The following TBL1X variants were observed in gnomAD, a reference collection of about 807,000 sequenced individuals.
TBL1X encodes the protein F-box-like/WD repeat-containing protein TBL1X.
Under a neutral mutation model 50.7 loss-of-function variants are expected in TBL1X, and 10 were observed. That is an observed-to-expected ratio of 0.20 (90% confidence interval 0.12 to 0.33). The LOEUF (loss-of-function observed/expected upper bound fraction) is 0.33. TBL1X is among the 10% of genes least tolerant of loss of function. The pLI is 1.00. For missense variants in TBL1X, 340 were observed against 504.4 expected (o/e 0.67, Z 3.12); for synonymous variants, 190 against 214.7 (o/e 0.88, Z 1.01).
At chrX:9,634,523 TTATTATTTAA>T (rs2082736515) in intron 2 of TBL1X, among the ~76,000 whole-genome samples, 3 of 111,535 alleles carry the variant, frequency 2.7e-5, no homozygotes, top group African/African-American at 9.8e-5. Flanking sequence ...GCTATTATTA[TTATTATTTAA>T]TAGAGATGGG....
intron 2 of TBL1X, among the ~76,000 whole-genome samples, chrX:9,593,595 C>G (rs1461360936): frequency 9.1e-6 from 1 of 110,114 alleles, no homozygotes; most frequent in Non-Finnish European, 1.9e-5. Flanking sequence ...AAGGCATGCC[C>G]TACTGTTTGA....
intron 2 of TBL1X, among the ~76,000 whole-genome samples, chrX:9,609,378 C>G (rs951219072): frequency 3.2e-5 from 2 of 62,400 alleles, no homozygotes; most frequent in East Asian, 1.2e-3. Context: ...TGTGTGTTGC[C>G]CCAGCATTTT....
intron 2 of TBL1X, among the ~76,000 whole-genome samples, chrX:9,506,713 TA>T (rs2082027995): frequency 8.9e-6 from 1 of 111,897 alleles, no homozygotes; most frequent in Non-Finnish European, 1.9e-5. Context: ...CCTGCACGCA[TA>T]CACCCTACCA....
At chrX:9,630,614 T>G (rs925566462) in intron 2 of TBL1X, among the ~76,000 whole-genome samples, 2 of 112,530 alleles carry the variant, frequency 1.8e-5, no homozygotes, top group African/African-American at 6.5e-5. Context: ...AATATTTTTT[T>G]TCTTTCTTTT....
rs931983874 is a variant in TBL1X at position 9,480,764 on chromosome X, C to T, written c.-201+15317C>T. Among the ~76,000 whole-genome samples, 4 of 68,492 alleles carry T rather than the reference C, an allele frequency of 5.8e-5. 1 individual carries two copies. Among genetic ancestry groups the T allele is most frequent in the African/African-American group, 2.2e-4 (4 of 18,365 alleles). The allele number at this position is 68,492 out of a possible 115,157, so 59.5% of individuals were successfully genotyped here. A position where few individuals can be genotyped will look rare whatever the true frequency, so the allele number is the denominator to read the frequency against. On this transcript the variant is annotated intron_variant, in intron 1 of 17. Coordinates refer to ENST00000645353, the MANE Select transcript of TBL1X (RefSeq NM_005647.4). ...CAAAATCTAAATTAAGCCACCCCCC[C>T]CCCCGCCCTTATTTTAATCTGGTTA...
At chrX:9,467,608 A>G (rs2081784490) in intron 1 of TBL1X, among the ~76,000 whole-genome samples, 2 of 102,250 alleles carry the variant, frequency 2.0e-5, no homozygotes, top group Non-Finnish European at 4.1e-5. Context: ...CTAAAGGCAT[A>G]TTGTAAACAC....
At chrX:9,495,026 A>G (rs2081964435) in intron 1 of TBL1X, among the ~76,000 whole-genome samples, 1 of 111,391 alleles carries the variant, frequency 9.0e-6, no homozygotes, top group South Asian at 3.8e-4. Flanking sequence ...AGTCATAGGA[A>G]TTGAAGGGGG....
chrX:9,607,028 G>T (rs2082587133), intron 2 of TBL1X, among the ~76,000 whole-genome samples: 2 of 112,610 alleles, frequency 1.8e-5, no homozygotes, highest in South Asian at 7.3e-4. Context: ...AAAGTTTACA[G>T]AGTTTTCCCT....
At chrX:9,618,934 A>G (rs1475545202) in intron 2 of TBL1X, among the ~76,000 whole-genome samples, 3 of 111,816 alleles carry the variant, frequency 2.7e-5, no homozygotes, top group Non-Finnish European at 5.6e-5. Context: ...TTGTAGGTTC[A>G]GAGTTTAGAT....
chrX:9,493,551 C>T (rs576950741), intron 1 of TBL1X, among the ~76,000 whole-genome samples: 2 of 111,255 alleles, frequency 1.8e-5, no homozygotes, highest in Admixed American at 1.9e-4. Context: ...TGCTTGGACC[C>T]GTGAGTTGGA....
intron 2 of TBL1X, among the ~76,000 whole-genome samples, chrX:9,620,864 A>G (rs1459876281): frequency 1.8e-5 from 2 of 112,060 alleles, no homozygotes; most frequent in Non-Finnish European, 3.8e-5. Context: ...GATGACTCCC[A>G]CTGGGTCCCA....
intron 2 of TBL1X, among the ~76,000 whole-genome samples, chrX:9,580,639 T>C (rs2082435951): frequency 9.0e-6 from 1 of 111,453 alleles, no homozygotes; most frequent in African/African-American, 3.3e-5. Context: ...ACATGAGGCA[T>C]TGATCAGACA....
At chrX:9,658,188 C>G (rs1465893414) in intron 5 of TBL1X, among the ~76,000 whole-genome samples, 4 of 111,728 alleles carry the variant, frequency 3.6e-5, no homozygotes, top group South Asian at 3.8e-4. Context: ...CATTAAACCT[C>G]TTTCCTTTGT....
intron 2 of TBL1X, among the ~76,000 whole-genome samples, chrX:9,602,549 A>G (rs2082562404): frequency 9.0e-6 from 1 of 111,695 alleles, no homozygotes; most frequent in South Asian, 3.8e-4. Flanking sequence ...AATCAGATCA[A>G]CAACAGTGGC....
chrX:9,470,610 A>G (rs1384413010), intron 1 of TBL1X, among the ~76,000 whole-genome samples: 1 of 111,932 alleles, frequency 8.9e-6, no homozygotes, highest in Non-Finnish European at 1.9e-5. Context: ...ATTGTTTCAG[A>G]TGGGACATTT....
chrX:9,499,060 G>A (rs2081987084), intron 1 of TBL1X, among the ~76,000 whole-genome samples: 1 of 111,819 alleles, frequency 8.9e-6, no homozygotes, highest in South Asian at 3.7e-4. Context: ...AGCCCCTGTG[G>A]AGGCGCTCAT....
At chrX:9,524,071 A>G (rs1336108105) in intron 2 of TBL1X, among the ~76,000 whole-genome samples, 7 of 103,872 alleles carry the variant, frequency 6.7e-5, no homozygotes, top group Non-Finnish European at 1.4e-4. Flanking sequence ...AGGTTCAAGC[A>G]ATTCTCCTGC....
intron 2 of TBL1X, among the ~76,000 whole-genome samples, chrX:9,565,053 G>A (rs764483175): frequency 1.8e-5 from 2 of 109,424 alleles, no homozygotes; most frequent in East Asian, 5.8e-4. Context: ...GGCGGGTCAC[G>A]AGGTCAGGAG....
In TBL1X at chrX:9,665,489, C is replaced by CTATATATA. The variant is rs56756151; in HGVS notation, c.211+11210_211+11217dup. The stretch of plus-strand genomic sequence containing the variant: ...ACTTAATTAAAAACTGATATTCAAG[C>CTATATATA]TATATATATATATATATATATATAT... On this transcript the variant is annotated intron_variant, in intron 5 of 17. Coordinates refer to ENST00000645353, the MANE Select transcript of TBL1X (RefSeq NM_005647.4). Among the ~76,000 whole-genome samples the CTATATATA allele has an allele frequency of 6.3e-3, 125 of 19,776 alleles. 8 individuals carry two copies. Among genetic ancestry groups the CTATATATA allele is most frequent in the South Asian group, 6.9e-3 (2 of 291 alleles). 17.2% of individuals were successfully genotyped at this position (19,776 alleles called of 115,157 possible).
Sources: gnomAD v4.1 joint callset for allele counts (sites outside exome capture counted in the v4.1 genomes callset) on GRCh38, gnomAD v4.1.1 for gene constraint, MANE v1.5 for transcripts, NCBI Gene and HGNC (gene_info 2026-07-23, HGNC 2026-07-21) for gene names.